LRP1B: variants seen among roughly 807,000 people sequenced by gnomAD.
LRP1B encodes the protein low-density lipoprotein receptor-related protein 1B.
A neutral mutation model predicts 556.6 loss-of-function variants in LRP1B; 217 were observed. The ratio of observed to expected loss-of-function variants is 0.39; its 90% CI spans 0.35 to 0.44. The LOEUF (loss-of-function observed/expected upper bound fraction) is 0.44. Ranked by LOEUF, LRP1B falls within the 20% of genes least tolerant of loss-of-function variation. The probability of loss-of-function intolerance (pLI) is 1.00; values close to 1 mark genes in which losing one functional copy is unlikely to be tolerated. For synonymous variants in LRP1B, 2,047 were observed against 1,865.8 expected (o/e 1.10, Z -2.50); for missense variants, 5,053 against 5,620.8 (o/e 0.90, Z 3.23).
At chr2:140,837,051 A>G (rs1691930135) in intron 31 of LRP1B, among the ~76,000 whole-genome samples, 1 of 152,232 alleles carries the variant, frequency 6.6e-6, no homozygotes, top group Non-Finnish European at 1.5e-5. Context: ...ACTCACTTAG[A>G]GTCTTAATAC....
chr2:141,060,796 G>A (rs1421954930), intron 8 of LRP1B, among the ~76,000 whole-genome samples: 1 of 151,732 alleles, frequency 6.6e-6, no homozygotes, highest in African/African-American at 2.4e-5. Context: ...GGTAGGAGAA[G>A]CCTGGAGCAG....
rs1691162330 is a variant in LRP1B at position 141,683,083 on chromosome 2, A to G, written c.205+127196T>C. 5.9e-5 allele frequency among the ~76,000 whole-genome samples: 9 copies of G among 152,246 alleles called. No homozygotes were observed. In the South Asian group the frequency reaches 1.9e-3, roughly 32 times the overall value. On this transcript the variant is annotated intron_variant, in intron 2 of 90. Transcript: ENST00000389484. ...GAAATGTCTCTTCTGGAGCCTCCAGAAGGCACAGTTCCACTGATACTTTGA... is the reference window on the plus strand; with the variant it reads ...GAAATGTCTCTTCTGGAGCCTCCAGGAGGCACAGTTCCACTGATACTTTGA...
rs1032946443 is a variant in LRP1B at position 142,001,664 on chromosome 2, C to T, written c.82+128984G>A. On this transcript the variant is annotated intron_variant, in intron 1 of 90. Coordinates refer to ENST00000389484, the MANE Select transcript of LRP1B (RefSeq NM_018557.3). ...ATACTGCAACCTATTTACAAGTCTC[C>T]GTTTATTAAATGTTGATGTTTTCAG... Among the ~76,000 whole-genome samples the T allele has an allele frequency of 1.7e-4, 26 of 152,074 alleles. 1 individual carries two copies. Among genetic ancestry groups the T allele is most frequent in the Admixed American group, 8.5e-4 (13 of 15,248 alleles).
At chr2:141,012,669 T>C (rs1697790139) in intron 14 of LRP1B, among the ~76,000 whole-genome samples, 2 of 151,984 alleles carry the variant, frequency 1.3e-5, no homozygotes, top group African/African-American at 4.8e-5. Context: ...GCAATTTTAA[T>C]ATAGTGGGAA....
chr2:141,765,110 C>T (rs1694691615), intron 2 of LRP1B, among the ~76,000 whole-genome samples: 1 of 127,520 alleles, frequency 7.8e-6, no homozygotes, highest in Admixed American at 8.3e-5. Context: ...AACAAACAAA[C>T]AAACAGGGAA....
intron 2 of LRP1B, among the ~76,000 whole-genome samples, chr2:141,684,471 G>C (rs777450372): frequency 6.6e-6 from 1 of 151,992 alleles, no homozygotes; most frequent in African/African-American, 2.4e-5. Flanking sequence ...GGGGACTAGA[G>C]GAAGGATAGC....
At position 140,623,956 on chromosome 2, in the gene LRP1B, G is replaced by GTATA. The variant is rs3060390; in HGVS notation, c.6800-22321_6800-22318dup. Among the ~76,000 whole-genome samples the GTATA allele has an allele frequency of 4.4e-4, 47 of 106,432 alleles. 4 individuals are homozygous for GTATA. Among genetic ancestry groups the GTATA allele is most frequent in the East Asian group, 1.2e-3 (4 of 3,250 alleles). The allele number at this position is 106,432 out of a possible 152,430, so 69.8% of individuals were successfully genotyped here. ...AAAATATATATTATATTTTATTTAT[G>GTATA]TATATATATATATATATAGCTTAGT... On this transcript the variant is annotated intron_variant, in intron 41 of 90. Transcript: ENST00000389484.
intron 7 of LRP1B, among the ~76,000 whole-genome samples, chr2:141,098,460 C>A (rs977912449): frequency 6.6e-6 from 1 of 152,200 alleles, no homozygotes; most frequent in Admixed American, 6.5e-5. Context: ...GGTAGTAGAA[C>A]ATTAAAGATA....
chr2:141,263,930 C>A (rs1217694014), intron 3 of LRP1B, among the ~76,000 whole-genome samples: 1 of 151,992 alleles, frequency 6.6e-6, no homozygotes, highest in African/African-American at 2.4e-5. Context: ...AAAACAATAC[C>A]CATTCATTAT....
At chr2:140,748,365 T>G (rs12465680) in intron 35 of LRP1B, among the ~76,000 whole-genome samples, 49,951 of 101,414 alleles carry the variant, frequency 0.49, 13,715 homozygotes, top group Non-Finnish European at 0.59. Flanking sequence ...TAATATATAT[T>G]TATATATGTA....
rs974209113 is a variant in LRP1B, at chr2:141,150,094, G to A, written c.1013+38327C>T. 3.9e-5 allele frequency among the ~76,000 whole-genome samples: 6 copies of A among 152,120 alleles called. No homozygotes were observed. The East Asian group carries it at 1.2e-3, about 29-fold the overall frequency. ...GAGGAGCAGTGGTGGTTATGAAGTG[G>A]GCCATGTCACCCAGGTCCACTGAAC... On this transcript the variant is annotated intron_variant, in intron 7 of 90. Transcript: ENST00000389484.
chr2:140,880,541 G>A (rs953198236), intron 25 of LRP1B, among the ~76,000 whole-genome samples: 11 of 152,096 alleles, frequency 7.2e-5, no homozygotes, highest in African/African-American at 2.7e-4. Flanking sequence ...AACCCAAAGT[G>A]AATGTTGGTG....
chr2:140,249,999 C>CT (rs775898589), intron 86 of LRP1B, among the ~76,000 whole-genome samples: 8 of 151,946 alleles, frequency 5.3e-5, no homozygotes, highest in Non-Finnish European at 1.0e-4. Context: ...GCATCTATCT[C>CT]TTTTTTATTA....
intron 1 of LRP1B, among the ~76,000 whole-genome samples, chr2:142,035,811 C>A (rs1278249854): frequency 6.6e-6 from 1 of 151,788 alleles, no homozygotes; most frequent in East Asian, 1.9e-4. Flanking sequence ...GAAATCTCAA[C>A]GTGAATTGTA....
intron 1 of LRP1B, among the ~76,000 whole-genome samples, chr2:141,914,280 T>C (rs890993318): frequency 1.3e-5 from 2 of 152,206 alleles, no homozygotes; most frequent in East Asian, 3.8e-4. Flanking sequence ...GATAAAGTGA[T>C]TGGCAACAAA....
intron 32 of LRP1B, among the ~76,000 whole-genome samples, chr2:140,794,737 C>A (rs548106789): frequency 3.3e-5 from 5 of 152,136 alleles, no homozygotes; most frequent in African/African-American, 1.2e-4. Flanking sequence ...CCTCAGCCTC[C>A]CAAGTAGCTG....
At chr2:141,193,123 C>A (rs1272057834) in intron 6 of LRP1B, among the ~76,000 whole-genome samples, 2 of 152,000 alleles carry the variant, frequency 1.3e-5, no homozygotes, top group African/African-American at 4.8e-5. Context: ...AACACTTACA[C>A]ATTGTCGATG....
intron 2 of LRP1B, among the ~76,000 whole-genome samples, chr2:141,809,173 G>A (rs1316697961): frequency 6.6e-6 from 1 of 152,012 alleles, no homozygotes. Context: ...TCAAAATAAA[G>A]CGAAGCAATT....
chr2:140,835,805 C>T (rs1322311036), intron 31 of LRP1B, among the ~76,000 whole-genome samples: 12 of 152,142 alleles, frequency 7.9e-5, no homozygotes, highest in African/African-American at 2.9e-4. Context: ...TCCCAAAATG[C>T]TGGGATTACA....
Sources: gnomAD v4.1 joint callset for allele counts (sites outside exome capture counted in the v4.1 genomes callset) on GRCh38, gnomAD v4.1.1 for gene constraint, MANE v1.5 for transcripts, NCBI Gene and HGNC (gene_info 2026-07-23, HGNC 2026-07-21) for gene names.